Variants in CTNNA2 observed in about 807,000 individuals in gnomAD.
The protein encoded by CTNNA2 is catenin alpha 2, also known as catenin alpha-2.
Under a neutral mutation model 101.0 loss-of-function variants are expected in CTNNA2, and 42 were observed. That is an observed-to-expected ratio of 0.42 (90% confidence interval 0.32 to 0.54). CTNNA2 has a LOEUF of 0.54. Among genes scored for constraint, CTNNA2 ranks in the 20% least tolerant of loss-of-function variants. CTNNA2 has a pLI of 0.14. For synonymous variants in CTNNA2, 450 were observed against 456.4 expected (o/e 0.99, Z 0.18); for missense variants, 871 against 1,223.1 (o/e 0.71, Z 4.29).
chr2:80,239,345 C>T (rs535773105), intron 7 of CTNNA2, among the ~76,000 whole-genome samples: 3 of 152,172 alleles, frequency 2.0e-5, no homozygotes, highest in South Asian at 2.1e-4. Flanking sequence ...AAGTCATTTA[C>T]GTATCATGTG....
intron 3 of CTNNA2, among the ~76,000 whole-genome samples, chr2:79,852,596 G>A (rs922347620): frequency 8.5e-5 from 13 of 152,164 alleles, no homozygotes; most frequent in African/African-American, 3.1e-4. Flanking sequence ...TTTTGAGACG[G>A]AGCTTCACTT....
At chr2:80,084,375 A>G (rs117139694) in intron 7 of CTNNA2, among the ~76,000 whole-genome samples, 1 of 152,118 alleles carries the variant, frequency 6.6e-6, no homozygotes, top group African/African-American at 2.4e-5. Flanking sequence ...TCTTACAGGC[A>G]CTGCATTCTT....
At chr2:80,609,388 A>G (rs933374867) in intron 17 of CTNNA2, among the ~76,000 whole-genome samples, 1 of 151,772 alleles carries the variant, frequency 6.6e-6, no homozygotes, top group Admixed American at 6.6e-5. Context: ...TCTGGCTTGC[A>G]TAGAGACACC....
At chr2:79,850,411 T>C (rs1305281089) in intron 3 of CTNNA2, among the ~76,000 whole-genome samples, 9 of 105,704 alleles carry the variant, frequency 8.5e-5, no homozygotes, top group Admixed American at 5.8e-4. Context: ...CCCTTTCTCC[T>C]TCTCTCCCTC....
intron 9 of CTNNA2, among the ~76,000 whole-genome samples, chr2:80,535,425 G>A (rs748641043): frequency 1.2e-4 from 18 of 152,036 alleles, no homozygotes; most frequent in Non-Finnish European, 2.6e-4. Context: ...TCATTACTGG[G>A]TGCTGGGTTA....
chr2:79,780,727 A>C (rs2105197480), intron 3 of CTNNA2, among the ~76,000 whole-genome samples: 1 of 152,308 alleles, frequency 6.6e-6, no homozygotes, highest in South Asian at 2.1e-4. Context: ...CATCTATTAT[A>C]AATTATGTTC....
chr2:80,553,218 C>T (rs191958694), intron 11 of CTNNA2, among the ~76,000 whole-genome samples: 888 of 88,550 alleles, frequency 0.01, 12 homozygotes, highest in African/African-American at 0.029. Context: ...AGGGAGACTC[C>T]GTCTCAAAAA....
chr2:80,136,105 G>C (rs572792097), intron 7 of CTNNA2, among the ~76,000 whole-genome samples: 1 of 152,284 alleles, frequency 6.6e-6, no homozygotes, highest in Non-Finnish European at 1.5e-5. Context: ...CTTGGTTTTT[G>C]TATAGTAGTT....
chr2:79,791,603 A>T (rs1675277259), intron 3 of CTNNA2, among the ~76,000 whole-genome samples: 1 of 152,172 alleles, frequency 6.6e-6, no homozygotes, highest in Non-Finnish European at 1.5e-5. Context: ...TCCTTGAAAG[A>T]ATCATGCTAG....
Position 79,909,723 on chromosome 2 carries a change from C to T in CTNNA2, c.982C>T (p.Arg328Cys), listed in dbSNP as rs1417541064. 1 of 1,613,874 alleles carries T rather than the reference C, an allele frequency of 6.2e-7. No individual in the cohort carries two copies. Among genetic ancestry groups the T allele is most frequent in the Non-Finnish European group, 8.5e-7 (1 of 1,179,888 alleles). Reference protein sequence around the residue: ...ADSSCTRDDRRERIVAECNAV... With the variant: ...ADSSCTRDDRCERIVAECNAV... Reference sequence around the variant, plus strand: ...CTCCTCCTGCACGCGAGACGACCGGCGCGAGAGGATCGTGGCGGAGTGCAA... The same window carrying T: ...CTCCTCCTGCACGCGAGACGACCGGTGCGAGAGGATCGTGGCGGAGTGCAA... Residue 328 changes from arginine (R) to cysteine (C), a missense_variant, in exon 7 of 19, where the codon CGC becomes TGC. By Grantham distance (180) the Arg-to-Cys change is radical (BLOSUM62 -3). Coordinates refer to ENST00000402739, the MANE Select transcript of CTNNA2 (RefSeq NM_001282597.3).
chr2:80,371,334 A>G (rs1675422905), intron 7 of CTNNA2, among the ~76,000 whole-genome samples: 1 of 152,202 alleles, frequency 6.6e-6, no homozygotes, highest in South Asian at 2.1e-4. Context: ...TACCCATAGC[A>G]GTCATTATCA....
At chr2:80,542,225 ATTTAC>A (rs1691628574) in intron 9 of CTNNA2, among the ~76,000 whole-genome samples, 2 of 147,944 alleles carry the variant, frequency 1.4e-5, no homozygotes, top group South Asian at 2.2e-4. Context: ...ATGTAGTCTT[ATTTAC>A]TTATTTATTT....
intron 8 of CTNNA2, among the ~76,000 whole-genome samples, chr2:80,409,310 G>A (rs1306188623): frequency 6.6e-6 from 1 of 151,924 alleles, no homozygotes; most frequent in African/African-American, 2.4e-5. Flanking sequence ...AAAAAAAAAA[G>A]TGCAATATGA....
At chr2:80,537,136 T>A (rs1691112158) in intron 9 of CTNNA2, among the ~76,000 whole-genome samples, 1 of 152,070 alleles carries the variant, frequency 6.6e-6, no homozygotes, top group South Asian at 2.1e-4. Context: ...CCATGTGTTG[T>A]CATTGTTCAA....
intron 4 of CTNNA2, among the ~76,000 whole-genome samples, chr2:79,431,805 G>A (rs963791961): frequency 2.0e-5 from 3 of 152,072 alleles, no homozygotes; most frequent in Non-Finnish European, 4.4e-5. Flanking sequence ...CAGGCTTTTC[G>A]GTGATGCAAA....
At chr2:80,046,054 TC>T (rs1426685686) in intron 7 of CTNNA2, among the ~76,000 whole-genome samples, 1 of 152,206 alleles carries the variant, frequency 6.6e-6, no homozygotes, top group Non-Finnish European at 1.5e-5. Context: ...TCCCACTGCT[TC>T]CCCAAGGCAG....
chr2:79,652,226 T>C (rs1283965594), intron 2 of CTNNA2, among the ~76,000 whole-genome samples: 1 of 139,486 alleles, frequency 7.2e-6, no homozygotes, highest in Non-Finnish European at 1.5e-5. Context: ...ACTCTGAGAT[T>C]CCTGGGATGT....
intron 3 of CTNNA2, among the ~76,000 whole-genome samples, chr2:79,795,874 T>C (rs889057377): frequency 6.6e-6 from 1 of 152,238 alleles, no homozygotes; most frequent in African/African-American, 2.4e-5. Flanking sequence ...TCAAATCTCC[T>C]TGTCCTCGGG....
At chr2:79,762,264 C>T (rs927292046) in intron 3 of CTNNA2, among the ~76,000 whole-genome samples, 2 of 152,156 alleles carry the variant, frequency 1.3e-5, no homozygotes, top group African/African-American at 2.4e-5. Context: ...GCGTGGTTTG[C>T]CCCAGAGGAG....
Sources: gnomAD v4.1 joint callset for allele counts (sites outside exome capture counted in the v4.1 genomes callset) on GRCh38, gnomAD v4.1.1 for gene constraint, MANE v1.5 for transcripts, NCBI Gene and HGNC (gene_info 2026-07-23, HGNC 2026-07-21) for gene names.